The following SGCD variants were observed in gnomAD, a reference collection of about 807,000 sequenced individuals.
SGCD encodes sarcoglycan delta.
SGCD carries 18 observed loss-of-function variants against 36.6 expected under a neutral mutation model. The ratio of observed to expected loss-of-function variants is 0.49; its 90% confidence interval spans 0.34 to 0.73. The LOEUF (loss-of-function observed/expected upper bound fraction) is 0.73. Among genes scored for constraint, SGCD ranks in the 30% least tolerant of loss-of-function variants. The pLI, the probability that SGCD is intolerant of heterozygous loss-of-function variation, is 0.01. For synonymous variants in SGCD, 133 were observed against 130.6 expected (o/e 1.02, Z -0.12); for missense variants, 387 against 346.7 (o/e 1.12, Z -0.92).
the SGCD span, among the ~76,000 whole-genome samples, chr5:155,851,007 C>T: frequency 6.6e-6 from 1 of 152,128 alleles, no homozygotes; most frequent in Non-Finnish European, 1.5e-5. Flanking sequence ...TTATTACTGT[C>T]AAAGGGCATC....
intron 1 of SGCD, among the ~76,000 whole-genome samples, chr5:156,101,902 CTGTGTGTG>C (rs36187985): frequency 8.3e-5 from 9 of 108,090 alleles, no homozygotes; most frequent in Non-Finnish European, 1.5e-4. Context: ...GTGTCTCCAG[CTGTGTGTG>C]TGTGTGTGTG....
chr5:156,675,242 T>C (rs1561851104), intron 7 of SGCD, among the ~76,000 whole-genome samples: 1 of 152,194 alleles, frequency 6.6e-6, no homozygotes. Context: ...GAGAATTAAA[T>C]GACATAATAC....
At chr5:156,552,910 A>G (rs1042210714) in intron 4 of SGCD, among the ~76,000 whole-genome samples, 4 of 152,126 alleles carry the variant, frequency 2.6e-5, no homozygotes, top group Non-Finnish European at 5.9e-5. Flanking sequence ...GTCTTAGTCC[A>G]TTTAGTGTTG....
At chr5:156,684,439 T>C (rs32074) in intron 7 of SGCD, among the ~76,000 whole-genome samples, 9,492 of 152,232 alleles carry the variant, frequency 0.062, 424 homozygotes, top group Non-Finnish European at 0.097. Context: ...CCAGCTATGG[T>C]GAATTATTTC....
chr5:156,372,906 T>TAA (rs1331525408), intron 3 of SGCD, among the ~76,000 whole-genome samples: 3 of 146,296 alleles, frequency 2.1e-5, no homozygotes, highest in African/African-American at 8.3e-5. Context: ...CTTCAGGTCT[T>TAA]TCTAGGTGAC....
At chr5:156,569,606 CAA>C (rs11364707) in intron 4 of SGCD, among the ~76,000 whole-genome samples, 53 of 124,506 alleles carry the variant, frequency 4.3e-4, no homozygotes, top group South Asian at 5.3e-4. Context: ...GACCCTGTCT[CAA>C]AAAAAAAAAA....
intron 4 of SGCD, among the ~76,000 whole-genome samples, chr5:156,580,935 T>C (rs1760227876): frequency 6.6e-6 from 1 of 152,178 alleles, no homozygotes. Context: ...ATCCCACTTT[T>C]TTCCGTTGCT....
intron 3 of SGCD, among the ~76,000 whole-genome samples, chr5:156,381,059 GC>G (rs2127747730): frequency 6.6e-6 from 1 of 152,256 alleles, no homozygotes; most frequent in African/African-American, 2.4e-5. Context: ...GAAAATAATG[GC>G]AATTGAGAAA....
At chr5:156,046,773 G>A (rs1759775585) in intron 1 of SGCD, among the ~76,000 whole-genome samples, 1 of 151,978 alleles carries the variant, frequency 6.6e-6, no homozygotes, top group Non-Finnish European at 1.5e-5. Context: ...CCAATTAATG[G>A]CCTCCAATTG....
At chr5:156,720,372 GA>G (rs1755437704) in intron 7 of SGCD, among the ~76,000 whole-genome samples, 1 of 152,160 alleles carries the variant, frequency 6.6e-6, no homozygotes, top group African/African-American at 2.4e-5. Flanking sequence ...CTAATCAGCT[GA>G]CATTTAAGCA....
At chr5:156,675,215 C>A (rs544493406) in intron 7 of SGCD, among the ~76,000 whole-genome samples, 95 of 152,284 alleles carry the variant, frequency 6.2e-4, no homozygotes, top group Non-Finnish European at 1.1e-3. Flanking sequence ...ACAGCACCAA[C>A]CTCAGAACAA....
At chr5:156,575,957 G>T (rs567861612) in intron 4 of SGCD, among the ~76,000 whole-genome samples, 1 of 152,042 alleles carries the variant, frequency 6.6e-6, no homozygotes, top group South Asian at 2.1e-4. Flanking sequence ...TAAGTTCTAG[G>T]GTACACGTGC....
At chr5:156,119,879 T>C (rs920195859) in intron 2 of SGCD, among the ~76,000 whole-genome samples, 1 of 152,242 alleles carries the variant, frequency 6.6e-6, no homozygotes, top group Non-Finnish European at 1.5e-5. Context: ...CAACCACTAA[T>C]TGATACCTTT....
intron 3 of SGCD, among the ~76,000 whole-genome samples, chr5:156,400,497 T>C (rs1021219175): frequency 2.6e-5 from 4 of 152,230 alleles, no homozygotes; most frequent in African/African-American, 9.6e-5. Flanking sequence ...GTGTTGCTAC[T>C]AATAGAATTT....
At chr5:156,157,428 T>C (rs1762989565) in intron 3 of SGCD, among the ~76,000 whole-genome samples, 1 of 151,690 alleles carries the variant, frequency 6.6e-6, no homozygotes, top group South Asian at 2.1e-4. Context: ...GCCTGTTGCT[T>C]AGGTCTAATG....
At chr5:156,327,857 T>G (rs1055024330) in intron 1 of SGCD, among the ~76,000 whole-genome samples, 1 of 152,250 alleles carries the variant, frequency 6.6e-6, no homozygotes, top group Non-Finnish European at 1.5e-5. Flanking sequence ...GATCAACATT[T>G]GTAATTCTGT....
rs540607392 is a variant in SGCD at position 156,336,189 on chromosome 5, G to A, written c.3+6610G>A. 5.3e-5 allele frequency among the ~76,000 whole-genome samples: 8 copies of A among 152,298 alleles called. No homozygotes were observed. In the South Asian group the frequency reaches 1.7e-3, roughly 32 times the overall value. The stretch of plus-strand genomic sequence containing the variant: ...CTCCTCACCTGCCAAGCGAGCTCCT[G>A]CCTCAGGGCCTTTGCACTTGCTTGT... On this transcript the variant is annotated intron_variant, in intron 2 of 8. Coordinates refer to ENST00000337851, the MANE Select transcript of SGCD (RefSeq NM_000337.6).
chr5:155,928,692 G>GT (rs60047620), intron 1 of SGCD, among the ~76,000 whole-genome samples: 68,420 of 140,844 alleles, frequency 0.49, 17,492 homozygotes, highest in Non-Finnish European at 0.58. Context: ...AAAAAAAGAG[G>GT]TAAAAAAAAT....
chr5:155,912,951 A>T (rs1756661637), intron 1 of SGCD, among the ~76,000 whole-genome samples: 1 of 152,128 alleles, frequency 6.6e-6, no homozygotes. Context: ...ACTTGCTGCC[A>T]ATGTTCCTTC....
Sources: gnomAD v4.1 joint callset for allele counts (sites outside exome capture counted in the v4.1 genomes callset) on GRCh38, gnomAD v4.1.1 for gene constraint, MANE v1.5 for transcripts, NCBI Gene and HGNC (gene_info 2026-07-23, HGNC 2026-07-21) for gene names.